Variants in GLIS3 observed in about 807,000 individuals in gnomAD.
The protein encoded by GLIS3 is GLIS family zinc finger 3.
In GLIS3, 53 loss-of-function variants were observed where a neutral mutation model predicts 78.6. The observed-to-expected ratio is 0.67, with a 90% CI of 0.54 to 0.85. GLIS3 has a LOEUF of 0.85. Ranked by LOEUF, GLIS3 falls within the 40% of genes least tolerant of loss-of-function variation. The pLI is 0.00. For missense variants in GLIS3, 1,703 were observed against 1,231.1 expected, an observed-to-expected ratio of 1.38 and a Z score of -5.74; for synonymous variants, 684 against 509.9, an observed-to-expected ratio of 1.34 and a Z score of -4.60.
Position 4,118,008 on chromosome 9 carries a change from G to T in GLIS3, c.1470C>A (p.Asp490Glu), listed in dbSNP as rs1397094629. 4 of 1,608,056 alleles carry T rather than the reference G, an allele frequency of 2.5e-6. No individual in the cohort carries two copies. The highest frequency in any genetic ancestry group is 3.4e-6 in the Non-Finnish European group (4 of 1,177,592). Residue 490 changes from aspartate to glutamate, a missense_variant, in exon 4 of 11, where the codon GAC becomes GAA. Transcript: ENST00000381971. This position sits in a 1 kb window ranked among gnomAD's most constrained non-coding sequence, Gnocchi z 4.7. Reference protein sequence around the residue: ...LALPQATLDDDGEMDGIGGKH... With the variant: ...LALPQATLDDEGEMDGIGGKH... ...TGCCCCCGATGCCGTCCATCTCCCC[G>T]TCGTCGTCCAGGGTGGCCTGGGGCA... is the stretch of plus-strand genomic sequence containing the variant.
chr9:4,203,943 C>G (rs1311804994), intron 2 of GLIS3, among the ~76,000 whole-genome samples: 1 of 152,140 alleles, frequency 6.6e-6, no homozygotes, highest in African/African-American at 2.4e-5. Flanking sequence ...ACAATAGAAA[C>G]TGAAGACTAC....
the GLIS3 span, among the ~76,000 whole-genome samples, chr9:4,376,174 C>T: frequency 2.0e-5 from 3 of 152,166 alleles, no homozygotes; most frequent in Admixed American, 2.0e-4. Flanking sequence ...TCAGGCATGA[C>T]TCTGGTGGAG....
At chr9:4,471,417 A>C in the GLIS3 span, among the ~76,000 whole-genome samples, 1 of 152,182 alleles carries the variant, frequency 6.6e-6, no homozygotes, top group African/African-American at 2.4e-5. Flanking sequence ...GATATAGACC[A>C]ATGGAACAGA....
the GLIS3 span, among the ~76,000 whole-genome samples, chr9:4,360,044 C>A: frequency 6.6e-6 from 1 of 150,754 alleles, no homozygotes; most frequent in African/African-American, 2.4e-5. Context: ...AAAAATTACA[C>A]AAATTGAAGC....
the GLIS3 span, among the ~76,000 whole-genome samples, chr9:4,471,377 A>C: frequency 2.3e-3 from 347 of 152,344 alleles, 1 homozygote; most frequent in African/African-American, 7.9e-3. Flanking sequence ...TACAGTAACC[A>C]AAACAGCATG....
In GLIS3 at chr9:4,275,184, GCTGC is replaced by G. The variant is rs149203057; in HGVS notation, c.388+10850_388+10853del. ...TGTCACTCAGGTGGCCACACAAAAG[GCTGC>G]CTAACTCCTCCCGAGTAGGCAACGC... On this transcript the variant is annotated intron_variant, in intron 2 of 10. Transcript: ENST00000381971. 1.0e-3 allele frequency among the ~76,000 whole-genome samples: 153 copies of G among 152,256 alleles called. 7 individuals carry two copies. The East Asian group carries it at 0.028, about 28-fold the overall frequency.
the GLIS3 span, among the ~76,000 whole-genome samples, chr9:4,390,476 T>C: frequency 1.3e-5 from 2 of 152,126 alleles, no homozygotes; most frequent in Non-Finnish European, 2.9e-5. Flanking sequence ...AGTGATACTC[T>C]TGCCTCTGCC....
chr9:4,386,798 G>C, the GLIS3 span, among the ~76,000 whole-genome samples: 39 of 152,086 alleles, frequency 2.6e-4, no homozygotes, highest in African/African-American at 9.4e-4. Context: ...GTGTGAATTG[G>C]CCTTATGTTC....
At chr9:4,456,244 A>C in the GLIS3 span, among the ~76,000 whole-genome samples, 2 of 152,256 alleles carry the variant, frequency 1.3e-5, no homozygotes, top group East Asian at 1.9e-4. Flanking sequence ...AGCCCTCAGA[A>C]AGTTGTAAAT....
chr9:4,307,233 G>A (rs1432992549), intron 4 of GLIS3, among the ~76,000 whole-genome samples: 1 of 152,172 alleles, frequency 6.6e-6, no homozygotes, highest in East Asian at 1.9e-4. Context: ...ACTCTTAGCT[G>A]TAACACTCTA....
chr9:4,335,449 ACTCCATAAAG>A (rs986068109), intron 2 of GLIS3, among the ~76,000 whole-genome samples: 1 of 152,112 alleles, frequency 6.6e-6, no homozygotes, highest in African/African-American at 2.4e-5. Flanking sequence ...TGGTAATGCT[ACTCCATAAAG>A]GGCTTCTGCT....
intron 2 of GLIS3, among the ~76,000 whole-genome samples, chr9:4,253,494 G>A (rs933966843): frequency 2.6e-5 from 4 of 152,234 alleles, no homozygotes; most frequent in Non-Finnish European, 5.9e-5. Context: ...ACTTCAGACT[G>A]CTGTGCTGAC....
chr9:4,235,395 G>C (rs901911235), intron 2 of GLIS3, among the ~76,000 whole-genome samples: 2 of 151,748 alleles, frequency 1.3e-5, no homozygotes, highest in Admixed American at 6.6e-5. Flanking sequence ...GCTCATGCAT[G>C]TGCCACCGCT....
chr9:4,329,710 C>G (rs889294337), intron 2 of GLIS3, among the ~76,000 whole-genome samples: 1 of 152,092 alleles, frequency 6.6e-6, no homozygotes, highest in Non-Finnish European at 1.5e-5. Flanking sequence ...TGCGAACCTC[C>G]TCCAGCATAT....
intron 2 of GLIS3, among the ~76,000 whole-genome samples, chr9:4,282,334 G>T (rs79440020): frequency 0.09 from 13,643 of 152,122 alleles, 696 homozygotes; most frequent in African/African-American, 0.14. Flanking sequence ...TTTCTATGAG[G>T]GTGTTTTTGG....
intron 4 of GLIS3, among the ~76,000 whole-genome samples, chr9:4,029,810 G>A (rs1415977849): frequency 2.0e-5 from 3 of 152,148 alleles, no homozygotes; most frequent in East Asian, 1.9e-4. Context: ...AGGACATTGT[G>A]TATATATACC....
At chr9:4,339,320 T>C (rs10739049) in intron 2 of GLIS3, among the ~76,000 whole-genome samples, 1 of 152,076 alleles carries the variant, frequency 6.6e-6, no homozygotes, top group Non-Finnish European at 1.5e-5. Context: ...GAGAAAATGT[T>C]TCATTTTGAA....
chr9:4,472,401 T>C, the GLIS3 span, among the ~76,000 whole-genome samples: 1 of 152,200 alleles, frequency 6.6e-6, no homozygotes, highest in African/African-American at 2.4e-5. Flanking sequence ...ATGTGGCACA[T>C]ATACATCATG....
intron 2 of GLIS3, among the ~76,000 whole-genome samples, chr9:4,129,490 T>C (rs982716263): frequency 6.6e-6 from 1 of 152,034 alleles, no homozygotes; most frequent in Non-Finnish European, 1.5e-5. Flanking sequence ...TTTGGTGCTG[T>C]TTTCATGATA....
Sources: allele counts gnomAD v4.1 joint callset (sites outside exome capture counted in the v4.1 genomes callset), GRCh38; gene constraint gnomAD v4.1.1; non-coding constraint Gnocchi (gnomAD v3.1); transcripts MANE v1.5; gene names NCBI Gene and HGNC (gene_info 2026-07-23, HGNC 2026-07-21).